The following PREX1 variants were observed in gnomAD, a reference collection of about 807,000 sequenced individuals.
The protein encoded by PREX1 is phosphatidylinositol-3,4,5-trisphosphate dependent Rac exchange factor 1.
PREX1 carries 41 observed loss-of-function variants against 198.3 expected under a neutral mutation model. That is an observed-to-expected ratio of 0.21 (90% CI 0.16 to 0.27). PREX1 has a LOEUF of 0.27. PREX1 is among the 10% of genes least tolerant of loss of function. The pLI is 1.00. For missense variants in PREX1, 1,620 were observed against 2,200.7 expected (o/e 0.74, Z 5.28); for synonymous variants, 843 against 887.2 (o/e 0.95, Z 0.89).
At chr20:48,732,694 A>T (rs1397619717) in intron 4 of PREX1, among the ~76,000 whole-genome samples, 1 of 152,102 alleles carries the variant, frequency 6.6e-6, no homozygotes, top group African/African-American at 2.4e-5. Flanking sequence ...CAGTGATCAC[A>T]TTTCTAGCTG....
chr20:48,637,779 G>C (rs1419504164), intron 30 of PREX1, 27 bp from the exon 31 acceptor site: 7 of 1,601,276 alleles, frequency 4.4e-6, no homozygotes, highest in Non-Finnish European at 6.0e-6. Flanking sequence ...GACAGAAAGG[G>C]GGACGGGCTG....
chr20:48,754,811 A>G (rs2090149918), intron 1 of PREX1, among the ~76,000 whole-genome samples: 1 of 152,054 alleles, frequency 6.6e-6, no homozygotes, highest in African/African-American at 2.4e-5. Context: ...GCACAGTGTC[A>G]TGGAACAGCA....
intron 1 of PREX1, among the ~76,000 whole-genome samples, chr20:48,754,917 C>G (rs1568851945): frequency 6.6e-6 from 1 of 152,162 alleles, no homozygotes; most frequent in African/African-American, 2.4e-5. Flanking sequence ...AGCCCAGAGT[C>G]TGGGGAGCTC....
At chr20:48,629,310 G>T in intron 37 of PREX1, 139 bp downstream of exon 37, 2 of 1,195,198 alleles carry the variant, frequency 1.7e-6, no homozygotes, top group Non-Finnish European at 2.3e-6. Flanking sequence ...CTGAGGTGCA[G>T]ACAGAGCCAA....
rs2089748200 is a variant in PREX1, at chr20:48,681,264, G to A, written c.1406C>T (p.Ala469Val). Residue 469 changes from alanine to valine, a missense_variant, in exon 11 of 40, where the codon GCC becomes GTC. Around this residue, in one of 7 missense-constraint regions of PREX1, gnomAD observed 488 missense variants for 802.5 expected, o/e 0.61. Coordinates refer to ENST00000371941, the MANE Select transcript of PREX1 (RefSeq NM_020820.4). ...KTEEGVNLGQALLENGIIHHV... is the reference protein window; with the variant it reads ...KTEEGVNLGQVLLENGIIHHV... ...GTGGATGATGCCATTCTCCAACAGG[G>A]CTTGGCCCAAGTTGACTCCTTCTTC... is the stretch of plus-strand genomic sequence containing the variant. The A allele has an allele frequency of 6.2e-7, 1 of 1,614,152 alleles. No homozygotes were observed. Among genetic ancestry groups the A allele is most frequent in the Non-Finnish European group, 8.5e-7 (1 of 1,180,034 alleles).
At chr20:48,682,909 G>A (rs1246917634) in intron 10 of PREX1, among the ~76,000 whole-genome samples, 1 of 152,258 alleles carries the variant, frequency 6.6e-6, no homozygotes, top group African/African-American at 2.4e-5. Context: ...GGGCCAGAGG[G>A]GGGCAGGGCT....
intron 17 of PREX1, 66 bp downstream of exon 17, chr20:48,658,070 G>C (rs1212327873): frequency 4.8e-5 from 70 of 1,472,752 alleles, no homozygotes; most frequent in Non-Finnish European, 6.1e-5. Flanking sequence ...CCTCAAGGAG[G>C]GTGAAGAGAG....
At chr20:48,878,983 G>A in the PREX1 span, among the ~76,000 whole-genome samples, 9 of 152,220 alleles carry the variant, frequency 5.9e-5, no homozygotes, top group Non-Finnish European at 2.9e-5. Flanking sequence ...CAGTGCCAGG[G>A]AAAGCAGAGC....
chr20:48,692,467 A>C, intron 8 of PREX1: 3 of 469,872 alleles, frequency 6.4e-6, no homozygotes, highest in Non-Finnish European at 1.2e-5. Flanking sequence ...GCAAGGAGGA[A>C]GGATTTGGGG....
chr20:48,880,384 CA>C, the PREX1 span, among the ~76,000 whole-genome samples: 1 of 152,226 alleles, frequency 6.6e-6, no homozygotes, highest in Non-Finnish European at 1.5e-5. Context: ...TTCTCTTACA[CA>C]AATGAAATCT....
the PREX1 span, among the ~76,000 whole-genome samples, chr20:48,834,326 A>G: frequency 1.3e-5 from 2 of 152,210 alleles, no homozygotes; most frequent in African/African-American, 4.8e-5. Flanking sequence ...GATGGTTTCA[A>G]CAGACATACT....
At chr20:48,699,147 A>C (rs1432658452) in intron 7 of PREX1, among the ~76,000 whole-genome samples, 4 of 152,184 alleles carry the variant, frequency 2.6e-5, no homozygotes, top group African/African-American at 9.7e-5. Flanking sequence ...ACCACACCTT[A>C]GGAGGCCAGC....
At chr20:48,638,785 G>A (rs184004620) in intron 30 of PREX1, among the ~76,000 whole-genome samples, 202 of 152,322 alleles carry the variant, frequency 1.3e-3, no homozygotes, top group African/African-American at 4.7e-3. Flanking sequence ...CACACGGGAA[G>A]GAGGCAGCAC....
intron 4 of PREX1, among the ~76,000 whole-genome samples, chr20:48,732,562 A>G (rs551012076): frequency 6.6e-6 from 1 of 152,264 alleles, no homozygotes; most frequent in South Asian, 2.1e-4. Flanking sequence ...TGGGACTGAA[A>G]CCCAGGATAA....
chr20:48,743,110 C>T (rs902999915), intron 3 of PREX1, among the ~76,000 whole-genome samples: 1 of 152,144 alleles, frequency 6.6e-6, no homozygotes, highest in Non-Finnish European at 1.5e-5. Context: ...CTCATGACAG[C>T]CCCCTGCAGC....
intron 1 of PREX1, among the ~76,000 whole-genome samples, chr20:48,824,217 A>G (rs549780769): frequency 6.6e-6 from 1 of 152,286 alleles, no homozygotes; most frequent in East Asian, 1.9e-4. Flanking sequence ...ATTATTTAAT[A>G]AACACACGCA....
chr20:48,653,592 C>T, intron 19 of PREX1, 95 bp from the exon 20 acceptor site: 1 of 1,492,758 alleles, frequency 6.7e-7, no homozygotes, highest in Non-Finnish European at 9.1e-7. Context: ...CAACCCCAGA[C>T]ACGCGCAAGG....
In PREX1 at chr20:48,726,407, A is replaced by G; in HGVS notation, c.520-16T>C. 2 of 1,601,304 alleles carry G rather than the reference A, an allele frequency of 1.2e-6. No individual in the cohort carries two copies. The highest frequency in any genetic ancestry group is 8.5e-7 in the Non-Finnish European group (1 of 1,170,782). On this transcript the variant is annotated splice_polypyrimidine_tract_variant and intron_variant, in intron 4 of 39. Coordinates refer to ENST00000371941, the MANE Select transcript of PREX1 (RefSeq NM_020820.4). ...GCATGCAGCTCTGCAAAGGGACAGGAGACCTTCATGAAACCCACCAAGGAT... is the reference window on the plus strand; with the variant it reads ...GCATGCAGCTCTGCAAAGGGACAGGGGACCTTCATGAAACCCACCAAGGAT...
chr20:48,703,901 T>C (rs1351461136), intron 6 of PREX1, among the ~76,000 whole-genome samples: 4 of 152,004 alleles, frequency 2.6e-5, no homozygotes, highest in East Asian at 3.9e-4. Context: ...TCAAGGGTGG[T>C]GCTAGGGGTT....
Sources: gnomAD v4.1 joint callset for allele counts (sites outside exome capture counted in the v4.1 genomes callset) on GRCh38, gnomAD v4.1.1 for gene constraint, gnomAD v4.1.1 regional missense constraint, MANE v1.5 for transcripts, NCBI Gene and HGNC (gene_info 2026-07-23, HGNC 2026-07-21) for gene names.